The following CEP89 variants were observed in gnomAD, a reference collection of about 807,000 sequenced individuals.
The protein encoded by CEP89 is centrosomal protein of 89 kDa.
A neutral mutation model predicts 97.6 loss-of-function variants in CEP89; 95 were observed. The observed-to-expected ratio is 0.97, with a 90% CI of 0.82 to 1.15. The LOEUF (loss-of-function observed/expected upper bound fraction) is 1.15, where lower values mean the gene tolerates loss of function less well. CEP89 is among the 50% of genes most tolerant of loss of function. CEP89 has a pLI of 0.00. For missense variants in CEP89, 869 were observed against 947.7 expected (o/e 0.92, Z 1.09); for synonymous variants, 354 against 349.1 (o/e 1.01, Z -0.16).
At chr19:32,958,909 C>T (rs1315749915) in intron 3 of CEP89, among the ~76,000 whole-genome samples, 1 of 151,818 alleles carries the variant, frequency 6.6e-6, no homozygotes, top group African/African-American at 2.4e-5. Flanking sequence ...CTCAGCTACT[C>T]AGGAGGCTGA....
At chr19:32,923,341 G>T (rs984042927) in intron 12 of CEP89, 98 bp downstream of exon 12, 23 of 590,576 alleles carry the variant, frequency 3.9e-5, no homozygotes, top group Non-Finnish European at 6.3e-5. Context: ...AAATATTTTA[G>T]TTAAGAATGT....
In CEP89 at chr19:32,971,903, G is replaced by A. The variant is rs773027488; in HGVS notation, c.-29C>T. On this transcript the variant is annotated 5_prime_UTR_variant, in exon 1 of 19. Transcript: ENST00000305768. ...TGCAGCGCGAGGAGAATGGACCGGG[G>A]CCTGGACTCATCAGCAGATCTATCC... The A allele has an allele frequency of 1.3e-6, 2 of 1,575,866 alleles. No individual in the cohort carries two copies. Among genetic ancestry groups the A allele is most frequent in the African/African-American group, 1.4e-5 (1 of 73,644 alleles).
At position 32,927,915 on chromosome 19, in the gene CEP89, T is replaced by C. The variant is rs1305417315; in HGVS notation, c.1030-931A>G. ...CCAGCACACTTGGCTTTTTTTTTTT[T>C]TTTCTTTTTTTTTTTTTTTTGAGAC... is the stretch of plus-strand genomic sequence containing the variant. On this transcript the variant is annotated intron_variant, in intron 9 of 18. Transcript: ENST00000305768. Among the ~76,000 whole-genome samples the C allele has an allele frequency of 1.6e-4, 24 of 149,442 alleles. No homozygotes were observed. The South Asian group carries it at 2.1e-3, about 13-fold the overall frequency.
intron 1 of CEP89, among the ~76,000 whole-genome samples, chr19:32,966,828 G>A (rs1315684158): frequency 6.6e-6 from 1 of 152,124 alleles, no homozygotes; most frequent in Non-Finnish European, 1.5e-5. Context: ...AGAAGCAAGT[G>A]ATATCCTTAT....
intron 17 of CEP89, 39 bp downstream of exon 17, chr19:32,887,713 A>G: frequency 7.8e-7 from 1 of 1,284,936 alleles, no homozygotes; most frequent in South Asian, 1.2e-5. Flanking sequence ...CTGCATTCCC[A>G]TCTGAAAATG....
chr19:32,928,117 T>C (rs988227047), intron 9 of CEP89, among the ~76,000 whole-genome samples: 2 of 151,872 alleles, frequency 1.3e-5, no homozygotes, highest in Non-Finnish European at 2.9e-5. Context: ...GGTTTCACCA[T>C]ATTGGCCAGG....
At chr19:32,881,754 C>T in intron 18 of CEP89, 90 bp downstream of exon 18, 1 of 1,250,602 alleles carries the variant, frequency 8.0e-7, no homozygotes, top group Non-Finnish European at 1.1e-6. Flanking sequence ...AACAATGGAA[C>T]AAATAAAACA....
chr19:32,937,802 CTTTG>C lies in CEP89; in HGVS notation c.625-133_625-130del, dbSNP rs1246149441. The C allele has an allele frequency of 1.9e-5, 14 of 727,734 alleles. 1 individual carries two copies. The highest frequency in any genetic ancestry group is 9.7e-5 in the South Asian group (6 of 61,842). The allele number at this position is 727,734 out of a possible 1,614,324, so 45.1% of individuals were successfully genotyped here. On this transcript the variant is annotated intron_variant, in intron 6 of 18. Coordinates refer to ENST00000305768, the MANE Select transcript of CEP89 (RefSeq NM_032816.5). ...TATTTCCTTCATTTTGACTCTTGTT[CTTTG>C]TTTGTTTTAGCTTTCAAAACTTTAA...
intron 3 of CEP89, among the ~76,000 whole-genome samples, chr19:32,956,220 A>G (rs1274350667): frequency 6.6e-6 from 1 of 150,866 alleles, no homozygotes; most frequent in Middle Eastern, 3.2e-3. Flanking sequence ...CACGCCAGCT[A>G]ATTTTTTGTA....
At position 32,936,227 on chromosome 19, in the gene CEP89, GC is replaced by G. The variant is rs1387636724; in HGVS notation, c.667+1403del. 2.0e-5 allele frequency among the ~76,000 whole-genome samples: 3 copies of G among 152,212 alleles called. No individual in the cohort carries two copies. The highest frequency in any genetic ancestry group is 4.4e-5 in the Non-Finnish European group (3 of 68,038). On this transcript the variant is annotated intron_variant, in intron 7 of 18. Transcript: ENST00000305768. This position sits in a 1 kb window ranked among gnomAD's most constrained non-coding sequence, Gnocchi z 4.5. ...TAGGCCAAGCCTGGGCACTGTCACA[GC>G]CTGGCTGGGAGTGTGCATACTCAGG...
At chr19:32,908,947 G>C (rs932702637) in intron 14 of CEP89, among the ~76,000 whole-genome samples, 5 of 152,172 alleles carry the variant, frequency 3.3e-5, no homozygotes, top group Admixed American at 6.5e-5. Context: ...CACCTACCCT[G>C]GTTGAAAAGA....
Position 32,953,710 on chromosome 19 carries a change from G to C in CEP89, c.397C>G (p.Leu133Val). The C allele has an allele frequency of 6.2e-7, 1 of 1,614,006 alleles. No individual in the cohort carries two copies. The highest frequency in any genetic ancestry group is 8.5e-7 in the Non-Finnish European group (1 of 1,179,914). ...CCCAATTCCTTGCCGCTGGATGACA[G>C]CTGAGTTTCAATGTCCTCTTCGTCC... is the stretch of plus-strand genomic sequence containing the variant. ...YGDEEDIETQ[L>V]SSSGKELGDV... Residue 133 changes from leucine to valine, a missense_variant, in exon 4 of 19, where the codon CTG (leucine) becomes GTG (valine). Physicochemically the swap from Leu to Val is conservative, Grantham distance 32. Coordinates refer to ENST00000305768, the MANE Select transcript of CEP89 (RefSeq NM_032816.5).
At chr19:32,910,471 G>GTAC (rs952558326) in intron 14 of CEP89, among the ~76,000 whole-genome samples, 5 of 152,200 alleles carry the variant, frequency 3.3e-5, no homozygotes, top group Admixed American at 3.3e-4. Context: ...ACTAAATACT[G>GTAC]TACAATTAGG....
intron 7 of CEP89, among the ~76,000 whole-genome samples, chr19:32,934,495 C>T (rs1330197262): frequency 6.6e-6 from 1 of 152,230 alleles, no homozygotes; most frequent in Non-Finnish European, 1.5e-5. Context: ...GCCAGCGCAC[C>T]TCCCAGGGGA....
intron 14 of CEP89, among the ~76,000 whole-genome samples, chr19:32,911,814 G>A (rs535977486): frequency 6.6e-6 from 1 of 152,180 alleles, no homozygotes; most frequent in Non-Finnish European, 1.5e-5. Flanking sequence ...GGAGAAGGAG[G>A]AGTTGGAGAG....
intron 3 of CEP89, among the ~76,000 whole-genome samples, chr19:32,958,174 G>GAA (rs35392256): frequency 2.4e-4 from 33 of 139,082 alleles, no homozygotes; most frequent in African/African-American, 8.7e-4. Flanking sequence ...TGCTTACCAG[G>GAA]AAAAAAAAAA....
chr19:32,913,639 CTTTT>C (rs71301617), intron 14 of CEP89, among the ~76,000 whole-genome samples: 3 of 138,238 alleles, frequency 2.2e-5, no homozygotes, highest in African/African-American at 5.4e-5. Context: ...TACACACACA[CTTTT>C]TTTTTTTTTT....
At chr19:32,947,111 C>T (rs1479583677) in intron 5 of CEP89, among the ~76,000 whole-genome samples, 1 of 152,128 alleles carries the variant, frequency 6.6e-6, no homozygotes, top group Admixed American at 6.6e-5. Context: ...TCCCTGAGCC[C>T]GAGCAACTCT....
rs192425986 is a variant in CEP89 at position 32,913,228 on chromosome 19, A to C, written c.1565+2109T>G. 3.4e-3 allele frequency among the ~76,000 whole-genome samples: 510 copies of C among 149,540 alleles called. 1 individual carries two copies. The highest frequency in any genetic ancestry group is 0.012 in the African/African-American group (476 of 40,904). ...TATATACCATATGTATATATACCATATCTCTCTCTCTTACATACACACACA... is the reference window on the plus strand; with the variant it reads ...TATATACCATATGTATATATACCATCTCTCTCTCTCTTACATACACACACA... On this transcript the variant is annotated intron_variant, in intron 14 of 18. Coordinates refer to ENST00000305768, the MANE Select transcript of CEP89 (RefSeq NM_032816.5).
Sources: allele counts gnomAD v4.1 joint callset (sites outside exome capture counted in the v4.1 genomes callset), GRCh38; gene constraint gnomAD v4.1.1; non-coding constraint Gnocchi (gnomAD v3.1); transcripts MANE v1.5; gene names NCBI Gene and HGNC (gene_info 2026-07-23, HGNC 2026-07-21).